Variants in EPS8 observed in about 807,000 individuals in gnomAD.
EPS8 encodes epidermal growth factor receptor kinase substrate 8.
EPS8 carries 42 observed loss-of-function variants against 103.8 expected under a neutral mutation model. That is an observed-to-expected ratio of 0.40 (90% CI 0.32 to 0.52). The LOEUF (loss-of-function observed/expected upper bound fraction) is 0.52. EPS8 is among the 20% of genes least tolerant of loss of function. The pLI is 0.40. For synonymous variants in EPS8, 344 were observed against 344.6 expected (o/e 1.00, Z 0.02); for missense variants, 969 against 1,005.1 (o/e 0.96, Z 0.49).
At chr12:15,732,590 T>C (rs1946728801) in intron 1 of EPS8, among the ~76,000 whole-genome samples, 1 of 152,152 alleles carries the variant, frequency 6.6e-6, no homozygotes, top group South Asian at 2.1e-4. Flanking sequence ...ACTATCTACA[T>C]AAAAAAGCAA....
intron 8 of EPS8, among the ~76,000 whole-genome samples, chr12:15,664,082 CT>C (rs1012354634): frequency 6.7e-6 from 1 of 148,700 alleles, no homozygotes; most frequent in Non-Finnish European, 1.5e-5. Context: ...TGTCTGTAAA[CT>C]TGTCTTATCC....
At position 15,700,438 on chromosome 12, in the gene EPS8, A is replaced by G. The variant is rs2135935931; in HGVS notation, c.-21-17466T>C. On this transcript the variant is annotated intron_variant, in intron 1 of 20. Transcript: ENST00000281172. This position sits in a 1 kb window ranked among gnomAD's most constrained non-coding sequence, Gnocchi z 5.1. ...ATGATTAAAGTGTATATTATCACCA[A>G]TATAAATTCCTCTAAAATTTACATA... Among the ~76,000 whole-genome samples, 2 of 152,362 alleles carry G rather than the reference A, an allele frequency of 1.3e-5. No homozygotes were observed. The highest frequency in any genetic ancestry group is 4.1e-4 in the South Asian group (2 of 4,834).
At chr12:15,765,511 A>G (rs773578524) in intron 1 of EPS8, among the ~76,000 whole-genome samples, 3 of 152,174 alleles carry the variant, frequency 2.0e-5, no homozygotes, top group Admixed American at 6.5e-5. Context: ...AGAAAGAGAG[A>G]AGAAAGGATC....
chr12:15,713,699 C>T lies in EPS8; in HGVS notation c.-21-30727G>A, dbSNP rs1009003270. On this transcript the variant is annotated intron_variant, in intron 1 of 20. Coordinates refer to ENST00000281172, the MANE Select transcript of EPS8 (RefSeq NM_004447.6). This position sits in a 1 kb window ranked among gnomAD's most constrained non-coding sequence, Gnocchi z 4.8. ...GGGCACACGAGGTATAAAGTTGGTA[C>T]TGAGATTCTTCCAGAAAACCAGGGC... is the stretch of plus-strand genomic sequence containing the variant. Among the ~76,000 whole-genome samples the T allele has an allele frequency of 6.6e-6, 1 of 152,182 alleles. No homozygotes were observed. The highest frequency in any genetic ancestry group is 2.4e-5 in the African/African-American group (1 of 41,456).
chr12:15,631,023 C>T (rs545070822), intron 18 of EPS8, among the ~76,000 whole-genome samples: 5 of 152,308 alleles, frequency 3.3e-5, no homozygotes, highest in South Asian at 2.1e-4. Flanking sequence ...GAAGTAGATG[C>T]TTTCTATGCA....
At position 15,704,924 on chromosome 12, in the gene EPS8, A is replaced by AC. The variant is rs1208488209; in HGVS notation, c.-21-21953_-21-21952insG. On this transcript the variant is annotated intron_variant, in intron 1 of 20. Transcript: ENST00000281172. The surrounding 1 kb of genome is among the most constrained non-coding windows in gnomAD (Gnocchi z 4.6). The stretch of plus-strand genomic sequence containing the variant: ...TGCGTGCGCATGCACACACACACAC[A>AC]AAAAACTGTCCTTAAAATCCTGTGT... Among the ~76,000 whole-genome samples, 1 of 152,160 alleles carries AC rather than the reference A, an allele frequency of 6.6e-6. No individual in the cohort carries two copies. Among genetic ancestry groups the AC allele is most frequent in the African/African-American group, 2.4e-5 (1 of 41,444 alleles).
At chr12:15,651,044 TAGGA>T (rs1945405845) in intron 13 of EPS8, 38 bp from the exon 14 acceptor site, 3 of 1,552,026 alleles carry the variant, frequency 1.9e-6, no homozygotes. Context: ...CAATAAAATC[TAGGA>T]ATGTATCCAT....
intron 1 of EPS8, among the ~76,000 whole-genome samples, chr12:15,718,912 T>A (rs1361303501): frequency 6.6e-6 from 1 of 152,170 alleles, no homozygotes; most frequent in African/African-American, 2.4e-5. Context: ...ATCAATCCTT[T>A]CTGGAGTATT....
chr12:15,670,420 G>T (rs183164123), intron 4 of EPS8, among the ~76,000 whole-genome samples: 57 of 152,142 alleles, frequency 3.7e-4, no homozygotes, highest in Admixed American at 3.7e-3. Context: ...TATAAGCACA[G>T]GTCAACCAGA....
In EPS8 at chr12:15,759,702, A is replaced by G. The variant is rs188309113; in HGVS notation, c.-22+29459T>C. On this transcript the variant is annotated intron_variant, in intron 1 of 20. Coordinates refer to ENST00000281172, the MANE Select transcript of EPS8 (RefSeq NM_004447.6). This position sits in a 1 kb window ranked among gnomAD's most constrained non-coding sequence, Gnocchi z 4.9. ...TACTAGTACAAGGAAATTAAACAAT[A>G]TGCTCACGAATGACCACTGGGTCAA... 9.2e-5 allele frequency among the ~76,000 whole-genome samples: 14 copies of G among 152,242 alleles called. No homozygotes were observed. The East Asian group carries it at 2.7e-3, about 29-fold the overall frequency.
In EPS8 at chr12:15,704,581, A is replaced by G. The variant is rs1340236210; in HGVS notation, c.-21-21609T>C. ...GGCTGCCAGGGGCTGTGGAAGGTGG[A>G]GAATGGGTAGTTATTGTTTTGGGGC... On this transcript the variant is annotated intron_variant, in intron 1 of 20. Coordinates refer to ENST00000281172, the MANE Select transcript of EPS8 (RefSeq NM_004447.6). This position sits in a 1 kb window ranked among gnomAD's most constrained non-coding sequence, Gnocchi z 4.6. Among the ~76,000 whole-genome samples the G allele has an allele frequency of 6.6e-6, 1 of 152,194 alleles. No homozygotes were observed. The highest frequency in any genetic ancestry group is 1.5e-5 in the Non-Finnish European group (1 of 68,030).
chr12:15,637,707 T>C (rs1945160792), intron 17 of EPS8, among the ~76,000 whole-genome samples: 1 of 152,242 alleles, frequency 6.6e-6, no homozygotes, highest in South Asian at 2.1e-4. Context: ...AGTTTCTTTA[T>C]ATTTCTTCAA....
intron 1 of EPS8, among the ~76,000 whole-genome samples, chr12:15,756,609 T>A (rs186357899): frequency 4.7e-4 from 72 of 152,314 alleles, no homozygotes; most frequent in African/African-American, 1.5e-3. Flanking sequence ...TAGGACAATA[T>A]ATTAGATACT....
At chr12:15,667,442 G>T (rs1352671415) in intron 6 of EPS8, among the ~76,000 whole-genome samples, 1 of 152,024 alleles carries the variant, frequency 6.6e-6, no homozygotes, top group Non-Finnish European at 1.5e-5. Flanking sequence ...CTTCCTAAGA[G>T]CATTTAGTTT....
Position 15,714,294 on chromosome 12 carries a change from A to C in EPS8, c.-21-31322T>G, listed in dbSNP as rs1946503810. 6.6e-6 allele frequency among the ~76,000 whole-genome samples: 1 copy of C among 152,192 alleles called. No individual in the cohort carries two copies. Among genetic ancestry groups the C allele is most frequent in the Non-Finnish European group, 1.5e-5 (1 of 68,018 alleles). ...AGAGAGAAAAAAGAGCCTATAAAGA[A>C]CATAAAACTAAAAAATCTGTATGTT... is the stretch of plus-strand genomic sequence containing the variant. On this transcript the variant is annotated intron_variant, in intron 1 of 20. Coordinates refer to ENST00000281172, the MANE Select transcript of EPS8 (RefSeq NM_004447.6). This position sits in a 1 kb window ranked among gnomAD's most constrained non-coding sequence, Gnocchi z 4.1.
intron 6 of EPS8, among the ~76,000 whole-genome samples, chr12:15,668,254 G>A (rs911681253): frequency 7.9e-5 from 12 of 152,060 alleles, no homozygotes; most frequent in Admixed American, 1.3e-4. Flanking sequence ...CATCCATGAC[G>A]TAAATTGAAA....
intron 1 of EPS8, among the ~76,000 whole-genome samples, chr12:15,742,219 G>A (rs1036146706): frequency 6.6e-6 from 1 of 152,158 alleles, no homozygotes. Flanking sequence ...AATCCTTTGG[G>A]TACATACCCA....
At chr12:15,740,659 C>T (rs1483788923) in intron 1 of EPS8, among the ~76,000 whole-genome samples, 2 of 152,014 alleles carry the variant, frequency 1.3e-5, no homozygotes, top group Non-Finnish European at 2.9e-5. Context: ...AGATTTAATG[C>T]TAAAATTTAC....
rs1429831679 is a variant in EPS8 at position 15,669,396 on chromosome 12, A to G, written c.507T>C (p.Asp169=). The stretch of plus-strand genomic sequence containing the variant: ...TTCACCATTCTTTTACCTTAACCTC[A>G]TCACACTGGAAGAGATGAAGATCTG... ...NKPDLHLFQC[D]EVKANLISED... is the part of the protein sequence containing the mutation. The change falls in exon 6 of 21, where the codon GAT becomes GAC. Residue 169 remains aspartate (D), a synonymous_variant. Transcript: ENST00000281172. The G allele has an allele frequency of 5.6e-6, 9 of 1,610,310 alleles. No homozygotes were observed. The highest frequency in any genetic ancestry group is 7.6e-6 in the Non-Finnish European group (9 of 1,178,918).
Sources: gnomAD v4.1 joint callset for allele counts (sites outside exome capture counted in the v4.1 genomes callset) on GRCh38, gnomAD v4.1.1 for gene constraint, Gnocchi (gnomAD v3.1) non-coding constraint, MANE v1.5 for transcripts, NCBI Gene and HGNC (gene_info 2026-07-23, HGNC 2026-07-21) for gene names.